Variants in ANOS1 observed in about 807,000 individuals in gnomAD.
ANOS1 encodes anosmin-1.
ANOS1 carries 6 observed loss-of-function variants against 59.0 expected under a neutral mutation model. The ratio of observed to expected loss-of-function variants is 0.10; its 90% CI spans 0.06 to 0.20. ANOS1 has a LOEUF of 0.20. ANOS1 is among the 10% of genes least tolerant of loss of function. The pLI, the probability that ANOS1 is intolerant of heterozygous loss-of-function variation, is 1.00. For missense variants in ANOS1, 433 were observed against 542.3 expected (o/e 0.80, Z 2.00); for synonymous variants, 217 against 223.4 (o/e 0.97, Z 0.25).
intron 2 of ANOS1, among the ~76,000 whole-genome samples, chrX:8,648,568 C>T (rs1230655660): frequency 3.6e-5 from 4 of 109,996 alleles, no homozygotes; most frequent in Non-Finnish European, 5.7e-5. Context: ...ACTCAAATAA[C>T]TATTTGCCAT....
chrX:8,699,571 G>A (rs1312198386), intron 2 of ANOS1, 127 bp downstream of exon 2: 1 of 441,381 alleles, frequency 2.3e-6, no homozygotes. Flanking sequence ...ATTACTTAAA[G>A]TGTAACCATT....
chrX:8,688,124 TGA>T (rs1932552049), intron 2 of ANOS1, among the ~76,000 whole-genome samples: 1 of 111,716 alleles, frequency 9.0e-6, no homozygotes, highest in African/African-American at 3.3e-5. Flanking sequence ...TAAATTCAAG[TGA>T]GAGTTTTCTA....
intron 2 of ANOS1, among the ~76,000 whole-genome samples, chrX:8,632,089 G>A (rs183574630): frequency 7.2e-5 from 8 of 111,758 alleles, no homozygotes; most frequent in Admixed American, 9.5e-5. Context: ...GTCTTGAATG[G>A]ATAGATAAGT....
At chrX:8,680,713 T>C (rs1196381057) in intron 2 of ANOS1, among the ~76,000 whole-genome samples, 1 of 111,848 alleles carries the variant, frequency 8.9e-6, no homozygotes, top group Non-Finnish European at 1.9e-5. Context: ...TCTCTCACTC[T>C]AGCACTGAGC....
chrX:8,533,076 A>T (rs768981009), intron 13 of ANOS1, 23 bp from the exon 14 acceptor site: 30 of 960,359 alleles, frequency 3.1e-5, no homozygotes, highest in Middle Eastern at 2.6e-4. Context: ...AAAATATGTC[A>T]GTCACATCCA....
At chrX:8,632,836 C>T (rs1256377683) in intron 2 of ANOS1, among the ~76,000 whole-genome samples, 2 of 110,212 alleles carry the variant, frequency 1.8e-5, no homozygotes, top group African/African-American at 6.6e-5. Context: ...TATAACAATG[C>T]TATCTACAAA....
At chrX:8,706,968 T>C (rs1262701705) in intron 1 of ANOS1, among the ~76,000 whole-genome samples, 1 of 111,377 alleles carries the variant, frequency 9.0e-6, no homozygotes, top group African/African-American at 3.3e-5. Flanking sequence ...TCAAAGAAAA[T>C]GCGACTTCAA....
At chrX:8,691,514 T>C (rs1294143834) in intron 2 of ANOS1, among the ~76,000 whole-genome samples, 1 of 111,219 alleles carries the variant, frequency 9.0e-6, no homozygotes, top group Non-Finnish European at 1.9e-5. Flanking sequence ...GATGGATGGA[T>C]GGATGGATGG....
At chrX:8,638,614 C>T (rs1253838878) in intron 2 of ANOS1, among the ~76,000 whole-genome samples, 1 of 111,981 alleles carries the variant, frequency 8.9e-6, no homozygotes. Context: ...ATTCCCTGGG[C>T]AAAGGGATAT....
intron 1 of ANOS1, among the ~76,000 whole-genome samples, chrX:8,719,832 G>A (rs1932863205): frequency 9.0e-6 from 1 of 110,787 alleles, no homozygotes; most frequent in Non-Finnish European, 1.9e-5. Flanking sequence ...AAAACCTTAT[G>A]AAAATAAAAA....
At chrX:8,711,906 G>C (rs1932814979) in intron 1 of ANOS1, among the ~76,000 whole-genome samples, 1 of 112,765 alleles carries the variant, frequency 8.9e-6, no homozygotes, top group African/African-American at 3.2e-5. Flanking sequence ...TTTAATGCAA[G>C]GTCACACTAA....
chrX:8,613,431 G>T lies in ANOS1; in HGVS notation c.318+10177C>A, dbSNP rs189716841. ...CGAGGAGATGGGGTCTGACTTTGTT[G>T]TCCAGGCTGGTCTTAAACTCCTGGG... On this transcript the variant is annotated intron_variant, in intron 3 of 13. Coordinates refer to ENST00000262648, the MANE Select transcript of ANOS1 (RefSeq NM_000216.4). 1.3e-3 allele frequency among the ~76,000 whole-genome samples: 144 copies of T among 110,332 alleles called. 1 individual carries two copies. The highest frequency in any genetic ancestry group is 4.5e-3 in the African/African-American group (136 of 30,337).
chrX:8,602,913 A>T (rs1051882990), intron 3 of ANOS1, among the ~76,000 whole-genome samples: 1 of 110,205 alleles, frequency 9.1e-6, no homozygotes, highest in African/African-American at 3.3e-5. Flanking sequence ...TAATTTTTGT[A>T]TTTTTAGTAG....
rs199568876 is a variant in ANOS1 at position 8,621,692 on chromosome X, G to GA, written c.318+1915dup. 6.1e-3 allele frequency among the ~76,000 whole-genome samples: 685 copies of GA among 111,880 alleles called. 2 individuals carry two copies. Among genetic ancestry groups the GA allele is most frequent in the Non-Finnish European group, 0.011 (573 of 53,163 alleles). The stretch of plus-strand genomic sequence containing the variant: ...GATCAATAGGATAAATCCCTCATTT[G>GA]AAAAATGAGGTTGAAGACACAGGTT... On this transcript the variant is annotated intron_variant, in intron 3 of 13. Transcript: ENST00000262648.
Position 8,554,093 on chromosome X carries a change from GTTC to G in ANOS1, c.1210_1212del (p.Glu404del). ...CCACCTTTTCTAGTTTTCACAAGCT[GTTC>G]TTCTACAACAAAGTACAACATTCTA... On this transcript the variant is annotated inframe_deletion and splice_region_variant, in exon 9 of 14. Transcript: ENST00000262648. The G allele has an allele frequency of 8.3e-7, 1 of 1,200,665 alleles. No homozygotes were observed. The highest frequency in any genetic ancestry group is 1.7e-5 in the African/African-American group (1 of 57,642).
chrX:8,632,789 C>T (rs1931510767), intron 2 of ANOS1, among the ~76,000 whole-genome samples: 1 of 110,199 alleles, frequency 9.1e-6, no homozygotes, highest in Admixed American at 9.7e-5. Context: ...AAAAAAACCT[C>T]CAACTTTTTA....
intron 2 of ANOS1, among the ~76,000 whole-genome samples, chrX:8,680,857 C>T (rs1198109220): frequency 8.9e-6 from 1 of 111,922 alleles, no homozygotes; most frequent in Non-Finnish European, 1.9e-5. Context: ...AATTGAGAAG[C>T]AGTAGATGCA....
chrX:8,554,343 G>T (rs1929906812), intron 8 of ANOS1, among the ~76,000 whole-genome samples: 1 of 110,920 alleles, frequency 9.0e-6, no homozygotes, highest in Non-Finnish European at 1.9e-5. Flanking sequence ...AAGCACAAGT[G>T]GTTGGAGAAC....
In ANOS1 at chrX:8,731,920, C is replaced by T; in HGVS notation, c.117G>A (p.Leu39=). The part of the protein sequence containing the change: ...AAAARRLDES[L]SAGSVQRARC... Reference sequence around the variant, plus strand: ...GAGCGCGCTGGACGCTCCCGGCAGACAGCGACTCGTCCAGCCGCCGCGCAG... The same window carrying T: ...GAGCGCGCTGGACGCTCCCGGCAGATAGCGACTCGTCCAGCCGCCGCGCAG... The change falls in exon 1 of 14, where the codon CTG becomes CTA. Residue 39 remains leucine (L), a synonymous_variant. Transcript: ENST00000262648. 8.6e-7 allele frequency: 1 copy of T among 1,166,698 alleles called. No homozygotes were observed. Among genetic ancestry groups the T allele is most frequent in the Non-Finnish European group, 1.1e-6 (1 of 875,429 alleles).
Sources: allele counts gnomAD v4.1 joint callset (sites outside exome capture counted in the v4.1 genomes callset), GRCh38; gene constraint gnomAD v4.1.1; transcripts MANE v1.5; gene names NCBI Gene and HGNC (gene_info 2026-07-23, HGNC 2026-07-21).